SETD2: variants seen among roughly 807,000 people sequenced by gnomAD.
The protein encoded by SETD2 is SET domain containing 2, histone lysine methyltransferase, also known as histone-lysine N-methyltransferase SETD2.
SETD2 carries 31 observed loss-of-function variants against 242.1 expected under a neutral mutation model. The observed-to-expected ratio is 0.13, with a 90% CI of 0.10 to 0.17. The LOEUF (loss-of-function observed/expected upper bound fraction) is 0.17, where lower values mean the gene tolerates loss of function less well. Among genes scored for constraint, SETD2 ranks in the 10% least tolerant of loss-of-function variants. The probability of loss-of-function intolerance (pLI) is 1.00; values close to 1 mark genes in which losing one functional copy is unlikely to be tolerated. For missense variants in SETD2, 2,481 were observed against 3,046.3 expected, an observed-to-expected ratio of 0.81 and a Z score of 4.37; for synonymous variants, 1,006 against 1,066.5, an observed-to-expected ratio of 0.94 and a Z score of 1.11.
At chr3:47,076,823 A>C (rs1448725357) in intron 12 of SETD2, among the ~76,000 whole-genome samples, 2 of 152,236 alleles carry the variant, frequency 1.3e-5, no homozygotes, top group Non-Finnish European at 2.9e-5. Flanking sequence ...GTGTAAAGAG[A>C]AACTGCCTGC....
chr3:47,048,666 C>T (rs2039645728), intron 15 of SETD2, among the ~76,000 whole-genome samples: 1 of 152,058 alleles, frequency 6.6e-6, no homozygotes, highest in Non-Finnish European at 1.5e-5. Flanking sequence ...AAAATACAAA[C>T]ACATTCTACA....
intron 8 of SETD2, among the ~76,000 whole-genome samples, chr3:47,101,009 CAAAAAAAAAAAAAAAA>C (rs1164475680): frequency 1.7e-4 from 4 of 23,118 alleles, no homozygotes; most frequent in East Asian, 1.3e-3. Flanking sequence ...GAGTCCATCT[CAAAAAAAAAAAAAAAA>C]AAAAAAAAAA....
In SETD2 at chr3:47,163,870, C is replaced by T; in HGVS notation, c.55G>A (p.Glu19Lys). Residue 19 changes from glutamate to lysine, a missense_variant, in exon 1 of 21, where the codon GAG becomes AAG. Physicochemically the swap from Glu to Lys is moderately conservative, Grantham distance 56 (BLOSUM62 1). Coordinates refer to ENST00000409792, the MANE Select transcript of SETD2 (RefSeq NM_014159.7). ...PPKMGDFYDP[E>K]HPTPEEEENE... ...GATACTTACTCAGGGGTCGGGTGCT[C>T]CGGGTCGTAGAAATCCCCCATCTTC... 2 of 1,316,116 alleles carry T rather than the reference C, an allele frequency of 1.5e-6. No individual in the cohort carries two copies. Among genetic ancestry groups the T allele is most frequent in the Non-Finnish European group, 1.9e-6 (2 of 1,026,320 alleles). The allele number at this position is 1,316,116 out of a possible 1,614,324, so 81.5% of individuals were successfully genotyped here.
rs377115716 is a variant in SETD2 at position 47,083,908 on chromosome 3, C to G, written c.5872G>C (p.Ala1958Pro). 18 of 1,614,026 alleles carry G rather than the reference C, an allele frequency of 1.1e-5. No individual in the cohort carries two copies. In the Middle Eastern group the frequency reaches 1.3e-3, roughly 118 times the overall value. ...TTGCTCTCTTTGGGCTCTATTTCAG[C>G]GTCAGCTTCTGGTTCAGATGTAGGT... ...KLPTSEPEAD[A>P]EIEPKESNGT... Residue 1958 changes from alanine (A) to proline (P), a missense_variant, in exon 12 of 21, where the codon GCT becomes CCT. Around this residue, in one of 17 missense-constraint regions of SETD2, gnomAD observed 203 missense variants for 222.4 expected, o/e 0.91. Transcript: ENST00000409792.
chr3:47,118,732 T>G (rs1026581691), intron 3 of SETD2, among the ~76,000 whole-genome samples: 4 of 151,914 alleles, frequency 2.6e-5, no homozygotes, highest in African/African-American at 9.7e-5. Context: ...AGCCCTCTTA[T>G]GCCTCCACTA....
chr3:47,138,330 C>T (rs769680414), intron 1 of SETD2: 71 of 250,970 alleles, frequency 2.8e-4, no homozygotes, highest in Non-Finnish European at 5.5e-4. Flanking sequence ...AGTACAGTGG[C>T]GCGATCTCAG....
At chr3:47,118,530 T>C (rs887777265) in intron 3 of SETD2, among the ~76,000 whole-genome samples, 1 of 152,022 alleles carries the variant, frequency 6.6e-6, no homozygotes, top group African/African-American at 2.4e-5. Flanking sequence ...GAGACCAGCC[T>C]GGCCAACATG....
intron 9 of SETD2, among the ~76,000 whole-genome samples, chr3:47,090,214 T>G (rs2041739488): frequency 6.6e-6 from 1 of 151,938 alleles, no homozygotes; most frequent in Non-Finnish European, 1.5e-5. Context: ...GCCACTGTAC[T>G]CTAGCCTGAG....
intron 1 of SETD2, among the ~76,000 whole-genome samples, chr3:47,129,611 C>T (rs1209508653): frequency 1.3e-5 from 2 of 152,264 alleles, no homozygotes; most frequent in Middle Eastern, 3.4e-3. Context: ...ACAGGCTGGG[C>T]GCAGTGGCTC....
At chr3:47,086,950 G>C (rs1312188676) in intron 10 of SETD2, among the ~76,000 whole-genome samples, 1 of 151,540 alleles carries the variant, frequency 6.6e-6, no homozygotes, top group Non-Finnish European at 1.5e-5. Context: ...TGAGGCAGGA[G>C]GATCACTTGA....
At chr3:47,117,497 A>G (rs2042910741) in intron 3 of SETD2, among the ~76,000 whole-genome samples, 2 of 152,212 alleles carry the variant, frequency 1.3e-5, no homozygotes, top group East Asian at 3.8e-4. Flanking sequence ...AGCTGGTTAA[A>G]GTTAAGTTTA....
At chr3:47,096,596 AG>A (rs558065477) in intron 9 of SETD2, among the ~76,000 whole-genome samples, 2,825 of 26,086 alleles carry the variant, frequency 0.11, 338 homozygotes, top group African/African-American at 0.31. Context: ...AAAAAAAAAA[AG>A]GGGGGCTGGG....
At chr3:47,054,461 T>C (rs2039972445) in intron 15 of SETD2, among the ~76,000 whole-genome samples, 1 of 152,140 alleles carries the variant, frequency 6.6e-6, no homozygotes, top group African/African-American at 2.4e-5. Context: ...CATAAACCAT[T>C]TTTACTGTAT....
intron 12 of SETD2, among the ~76,000 whole-genome samples, chr3:47,073,863 C>T (rs2040935063): frequency 6.6e-6 from 1 of 152,178 alleles, no homozygotes; most frequent in African/African-American, 2.4e-5. Context: ...GTGAAATTCT[C>T]ATTCTTACGT....
At chr3:47,042,728 T>A (rs1196933351) in intron 16 of SETD2, 28 bp from the exon 17 acceptor site, 2 of 1,572,480 alleles carry the variant, frequency 1.3e-6, no homozygotes, top group Non-Finnish European at 1.7e-6. Context: ...ACATTTTTGA[T>A]CAGTGATCTC....
rs1480415679 is a variant in SETD2, at chr3:47,123,857, G to A, written c.779C>T (p.Ser260Phe). 1 of 1,550,480 alleles carries A rather than the reference G, an allele frequency of 6.4e-7. No individual in the cohort carries two copies. Among genetic ancestry groups the A allele is most frequent in the African/African-American group, 1.4e-5 (1 of 73,120 alleles). ...AGTTACGTGTTCTTCTAAACTATTA[G>A]ATATAGTGTCCTGCTTAGTATCTGC... The part of the protein sequence containing the change: ...LEADTKQDTI[S>F]NSLEEHVTQI... The change falls in exon 3 of 21, where the codon TCT (serine) becomes TTT (phenylalanine). Residue 260 changes from serine to phenylalanine, a missense_variant. Ser to Phe is a radical substitution (Grantham distance 155, BLOSUM62 -2). Transcript: ENST00000409792.
intron 1 of SETD2, among the ~76,000 whole-genome samples, chr3:47,154,847 AGCTGGGCGTGGTGGCGG>A (rs1260333226): frequency 6.6e-6 from 1 of 152,110 alleles, no homozygotes; most frequent in Non-Finnish European, 1.5e-5. Context: ...ACAAAAAATT[AGCTGGGCGTGGTGGCGG>A]GCGCCTGTAG....
rs2043021830 is a variant in SETD2, at chr3:47,120,337, C to G, written c.4299G>C (p.Gln1433His). 6.2e-7 allele frequency: 1 copy of G among 1,613,806 alleles called. No homozygotes were observed. Among genetic ancestry groups the G allele is most frequent in the East Asian group, 2.2e-5 (1 of 44,882 alleles). Residue 1433 changes from glutamine (Q) to histidine (H), a missense_variant, in exon 3 of 21, where the codon CAG (glutamine) becomes CAC (histidine). Transcript: ENST00000409792. ...AACCTGGGGGCACTGATGTCTCTCC[C>G]TGCTCTACCTCCACTCTAACTTTCT... is the stretch of plus-strand genomic sequence containing the variant. ...DRKKVRVEVEQGETSVPPGSA... is the reference protein window; with the variant it reads ...DRKKVRVEVEHGETSVPPGSA...
intron 18 of SETD2, among the ~76,000 whole-genome samples, chr3:47,034,013 G>A (rs1056880381): frequency 2.0e-5 from 3 of 152,162 alleles, no homozygotes; most frequent in South Asian, 4.1e-4. Context: ...TCAAGTGATC[G>A]GGCCACCTCA....
Sources: gnomAD v4.1 joint callset for allele counts (sites outside exome capture counted in the v4.1 genomes callset) on GRCh38, gnomAD v4.1.1 for gene constraint, gnomAD v4.1.1 regional missense constraint, MANE v1.5 for transcripts, NCBI Gene and HGNC (gene_info 2026-07-23, HGNC 2026-07-21) for gene names.